Variants in KIF6 observed in about 807,000 individuals in gnomAD.
The protein encoded by KIF6 is kinesin family member 6.
KIF6 carries 106 observed loss-of-function variants against 112.7 expected under a neutral mutation model. The ratio of observed to expected loss-of-function variants is 0.94; its 90% CI spans 0.80 to 1.11. The LOEUF is 1.11. Among genes scored for constraint, KIF6 ranks in the 50% least tolerant of loss-of-function variants. The probability of loss-of-function intolerance (pLI) is 0.00; values close to 1 mark genes in which losing one functional copy is unlikely to be tolerated. For synonymous variants in KIF6, 339 were observed against 339.9 expected (o/e 1.00, Z 0.03); for missense variants, 929 against 964.0 (o/e 0.96, Z 0.48).
At chr6:39,720,936 T>C (rs1278466230) in intron 1 of KIF6, 125 bp from the exon 2 acceptor site, 11 of 583,694 alleles carry the variant, frequency 1.9e-5, no homozygotes, top group Non-Finnish European at 3.4e-5. Flanking sequence ...CATAATATCA[T>C]ATAATTTGAA....
chr6:39,613,484 T>C (rs954902472), intron 5 of KIF6, among the ~76,000 whole-genome samples, 166 bp from the exon 6 acceptor site: 2 of 152,194 alleles, frequency 1.3e-5, no homozygotes, highest in Non-Finnish European at 2.9e-5. Context: ...AACACTGACA[T>C]TCCCTTCACA....
Position 39,656,832 on chromosome 6 carries a change from C to T in KIF6, c.252-17075G>A, listed in dbSNP as rs574825937. Among the ~76,000 whole-genome samples, 184 of 152,300 alleles carry T rather than the reference C, an allele frequency of 1.2e-3. 1 individual carries two copies. The highest frequency in any genetic ancestry group is 1.0e-3 in the South Asian group (5 of 4,828). On this transcript the variant is annotated intron_variant, in intron 3 of 22. Transcript: ENST00000287152. ...TTTTAAAGCTCTTTCTGACCACTTG[C>T]CCCATAACTCTCACCTTCCTAAGAG...
At chr6:39,537,732 G>T (rs1778528273) in intron 13 of KIF6, among the ~76,000 whole-genome samples, 1 of 152,046 alleles carries the variant, frequency 6.6e-6, no homozygotes, top group Non-Finnish European at 1.5e-5. Context: ...AGTTCATACG[G>T]AACCAAAAAA....
chr6:39,377,361 TC>T (rs1275240955), intron 16 of KIF6, among the ~76,000 whole-genome samples: 1,223 of 48,506 alleles, frequency 0.025, 2 homozygotes, highest in Admixed American at 0.037. Flanking sequence ...CCGTCCCCCA[TC>T]CCCCCCCAAC....
intron 3 of KIF6, among the ~76,000 whole-genome samples, chr6:39,692,374 G>C (rs160022): frequency 2.6e-5 from 4 of 152,110 alleles, no homozygotes; most frequent in Non-Finnish European, 5.9e-5. Flanking sequence ...AAATCAGCTT[G>C]TCTGTACTCA....
chr6:39,676,227 T>A (rs887989062), intron 3 of KIF6, among the ~76,000 whole-genome samples: 6 of 152,106 alleles, frequency 3.9e-5, no homozygotes, highest in African/African-American at 1.4e-4. Context: ...AGTAAAACTC[T>A]TTTAAAAAAT....
Position 39,490,267 on chromosome 6 carries a change from C to T in KIF6, c.1645+49736G>A, listed in dbSNP as rs189743496. On this transcript the variant is annotated intron_variant, in intron 13 of 22. Coordinates refer to ENST00000287152, the MANE Select transcript of KIF6 (RefSeq NM_145027.6). ...TTCCAACTAAACAGTCTGATCCATG[C>T]AGCAGAAGGCTCCCAGACAATGTGA... 1.7e-4 allele frequency among the ~76,000 whole-genome samples: 26 copies of T among 152,316 alleles called. No individual in the cohort carries two copies. The East Asian group carries it at 5.0e-3, about 29-fold the overall frequency.
chr6:39,704,862 C>A lies in KIF6; in HGVS notation c.251+9830G>T, dbSNP rs1789104433. 3.3e-5 allele frequency among the ~76,000 whole-genome samples: 5 copies of A among 152,196 alleles called. No homozygotes were observed. In the South Asian group the frequency reaches 1.0e-3, roughly 32 times the overall value. ...GTTTCAGATTTCTCTTAACTTGTAA[C>A]GTTCCTGTGAATGTTAACTATAGTG... On this transcript the variant is annotated intron_variant, in intron 3 of 22. Coordinates refer to ENST00000287152, the MANE Select transcript of KIF6 (RefSeq NM_145027.6).
intron 15 of KIF6, among the ~76,000 whole-genome samples, chr6:39,414,536 T>C (rs1769757924): frequency 1.3e-5 from 2 of 152,172 alleles, no homozygotes; most frequent in Non-Finnish European, 1.5e-5. Flanking sequence ...GCACATGGGA[T>C]GGAGAGCAAG....
intron 16 of KIF6, among the ~76,000 whole-genome samples, chr6:39,371,434 G>C (rs1765983823): frequency 6.6e-6 from 1 of 152,154 alleles, no homozygotes; most frequent in Non-Finnish European, 1.5e-5. Context: ...GGAGAGAGAG[G>C]CCAAGCTGTT....
intron 3 of KIF6, among the ~76,000 whole-genome samples, chr6:39,658,280 AG>A (rs1785918675): frequency 6.6e-6 from 1 of 152,226 alleles, no homozygotes; most frequent in South Asian, 2.1e-4. Flanking sequence ...TGGAGACAGA[AG>A]GAGAGTTGGA....
At chr6:39,416,444 C>T (rs1769924956) in intron 15 of KIF6, among the ~76,000 whole-genome samples, 4 of 152,270 alleles carry the variant, frequency 2.6e-5, no homozygotes, top group Admixed American at 2.6e-4. Flanking sequence ...CAGGTAGATA[C>T]AATAAAAATG....
At chr6:39,467,187 C>T (rs1773844819) in intron 13 of KIF6, among the ~76,000 whole-genome samples, 1 of 152,220 alleles carries the variant, frequency 6.6e-6, no homozygotes, top group South Asian at 2.1e-4. Context: ...AGGACACTCA[C>T]TAGTAGCTCC....
chr6:39,360,951 G>T (rs1765087478), intron 17 of KIF6, among the ~76,000 whole-genome samples: 1 of 152,128 alleles, frequency 6.6e-6, no homozygotes. Context: ...GTATGAAGAG[G>T]TTATATAACT....
chr6:39,549,411 G>T (rs1779247523), intron 10 of KIF6, among the ~76,000 whole-genome samples: 1 of 152,120 alleles, frequency 6.6e-6, no homozygotes. Flanking sequence ...CAACCCATGA[G>T]AAAAGTGCTA....
At chr6:39,461,969 C>CTTAGA (rs139583226) in intron 13 of KIF6, among the ~76,000 whole-genome samples, 8,192 of 152,122 alleles carry the variant, frequency 0.054, 419 homozygotes, top group East Asian at 0.24. Flanking sequence ...CCATTTTATG[C>CTTAGA]TTAAATTAAT....
intron 11 of KIF6, among the ~76,000 whole-genome samples, chr6:39,545,347 G>T (rs1327352457): frequency 6.6e-6 from 1 of 152,170 alleles, no homozygotes; most frequent in Non-Finnish European, 1.5e-5. Flanking sequence ...TGTGTAGAAG[G>T]TAGAGATTCC....
intron 13 of KIF6, among the ~76,000 whole-genome samples, chr6:39,439,349 C>T (rs1473038306): frequency 6.6e-6 from 1 of 152,118 alleles, no homozygotes; most frequent in African/African-American, 2.4e-5. Context: ...TAGTTGTTTG[C>T]TTTTAGTGAA....
At chr6:39,723,557 T>C (rs1582537562) in intron 1 of KIF6, among the ~76,000 whole-genome samples, 1 of 152,152 alleles carries the variant, frequency 6.6e-6, no homozygotes, top group Non-Finnish European at 1.5e-5. Flanking sequence ...TGGAATACTA[T>C]GCAGCCATAA....
Sources: allele counts gnomAD v4.1 joint callset (sites outside exome capture counted in the v4.1 genomes callset), GRCh38; gene constraint gnomAD v4.1.1; transcripts MANE v1.5; gene names NCBI Gene and HGNC (gene_info 2026-07-23, HGNC 2026-07-21).